Variants in MAF observed in about 807,000 individuals in gnomAD.
MAF encodes the protein MAF bZIP transcription factor, also known as transcription factor Maf.
A neutral mutation model predicts 22.0 loss-of-function variants in MAF; 10 were observed. The ratio of observed to expected loss-of-function variants is 0.45; its 90% CI spans 0.28 to 0.77. MAF has a LOEUF of 0.77. Ranked by LOEUF, MAF falls within the 30% of genes least tolerant of loss-of-function variation. The probability of loss-of-function intolerance (pLI) is 0.12; values close to 1 mark genes in which losing one functional copy is unlikely to be tolerated. For missense variants in MAF, 544 were observed against 548.4 expected, an observed-to-expected ratio of 0.99 and a Z score of 0.08; for synonymous variants, 337 against 255.8, an observed-to-expected ratio of 1.32 and a Z score of -3.03.
chr16:79,313,872 A>G, the MAF span, among the ~76,000 whole-genome samples: 2 of 152,176 alleles, frequency 1.3e-5, no homozygotes, highest in African/African-American at 4.8e-5. Context: ...AGCTTTGGAA[A>G]GTCTCACAAA....
At chr16:79,570,255 T>A in the MAF span, among the ~76,000 whole-genome samples, 2 of 152,142 alleles carry the variant, frequency 1.3e-5, no homozygotes, top group African/African-American at 4.8e-5. Context: ...CTCTGCCTAA[T>A]CTAACCCCTC....
At chr16:79,277,434 G>T in the MAF span, among the ~76,000 whole-genome samples, 1 of 152,188 alleles carries the variant, frequency 6.6e-6, no homozygotes, top group African/African-American at 2.4e-5. Flanking sequence ...ATATGGAATT[G>T]CTGCATCTGT....
At chr16:79,331,208 GT>G in the MAF span, among the ~76,000 whole-genome samples, 1 of 152,188 alleles carries the variant, frequency 6.6e-6, no homozygotes, top group African/African-American at 2.4e-5. Context: ...TGAAAAATGT[GT>G]CTTAATCTTT....
the MAF span, among the ~76,000 whole-genome samples, chr16:79,553,487 G>T: frequency 5.4e-4 from 83 of 152,324 alleles, 1 homozygote; most frequent in African/African-American, 1.8e-3. Flanking sequence ...GAGTCAGTTT[G>T]TGCTCAGAAA....
chr16:79,333,441 A>G, the MAF span, among the ~76,000 whole-genome samples: 1 of 152,166 alleles, frequency 6.6e-6, no homozygotes, highest in African/African-American at 2.4e-5. Flanking sequence ...ACAACAGGCC[A>G]AAACGATACG....
the MAF span, among the ~76,000 whole-genome samples, chr16:79,472,905 C>T: frequency 6.6e-6 from 1 of 151,870 alleles, no homozygotes; most frequent in African/African-American, 2.4e-5. Flanking sequence ...TTTGGGTAGT[C>T]AGTGATTGAA....
At chr16:79,508,238 C>T in the MAF span, among the ~76,000 whole-genome samples, 11 of 152,138 alleles carry the variant, frequency 7.2e-5, no homozygotes, top group African/African-American at 2.7e-4. Flanking sequence ...CCAGGGAGGC[C>T]GCGTGGTGTC....
chr16:79,253,402 A>T, the MAF span, among the ~76,000 whole-genome samples: 1 of 152,186 alleles, frequency 6.6e-6, no homozygotes, highest in Non-Finnish European at 1.5e-5. Flanking sequence ...GGTTCACTTA[A>T]ATAACCTTAT....
the MAF span, among the ~76,000 whole-genome samples, chr16:79,280,805 T>C: frequency 2.6e-5 from 4 of 152,188 alleles, no homozygotes; most frequent in Admixed American, 1.3e-4. Context: ...CTCTCTCCCA[T>C]TGTACTCCTC....
intron 1 of MAF, chr16:79,595,931 GCAAAA>G: frequency 9.4e-7 from 1 of 1,059,456 alleles, no homozygotes; most frequent in African/African-American, 1.6e-5. Flanking sequence ...AAAGAGAAAA[GCAAAA>G]CAAAACAAAC....
the MAF span, among the ~76,000 whole-genome samples, chr16:79,399,656 T>C: frequency 3.3e-5 from 5 of 152,100 alleles, no homozygotes; most frequent in Admixed American, 3.3e-4. Flanking sequence ...AAAGAACCAA[T>C]GATACAGTTT....
At chr16:79,471,807 T>C in the MAF span, among the ~76,000 whole-genome samples, 28 of 152,368 alleles carry the variant, frequency 1.8e-4, no homozygotes, top group African/African-American at 5.5e-4. Context: ...ATCCAATTTC[T>C]TCTTTATTGA....
chr16:79,455,869 T>G, the MAF span, among the ~76,000 whole-genome samples: 1 of 151,962 alleles, frequency 6.6e-6, no homozygotes, highest in Middle Eastern at 3.2e-3. Context: ...AATACAAAAG[T>G]TAGCCGGGTG....
the MAF span, among the ~76,000 whole-genome samples, chr16:79,233,126 C>G: frequency 1.3e-5 from 2 of 151,938 alleles, no homozygotes; most frequent in East Asian, 3.9e-4. Context: ...AGGCGTGAAC[C>G]ACCGCGCCCG....
the MAF span, among the ~76,000 whole-genome samples, chr16:79,448,858 G>A: frequency 6.6e-6 from 1 of 152,160 alleles, no homozygotes; most frequent in Non-Finnish European, 1.5e-5. Context: ...TTTCATGGAA[G>A]ATAATATTTT....
chr16:79,292,084 C>T, the MAF span, among the ~76,000 whole-genome samples: 1 of 151,982 alleles, frequency 6.6e-6, no homozygotes, highest in Non-Finnish European at 1.5e-5. Context: ...AAAAAGAAGA[C>T]ACTGGGACAA....
At chr16:79,364,613 A>G in the MAF span, among the ~76,000 whole-genome samples, 1 of 152,232 alleles carries the variant, frequency 6.6e-6, no homozygotes, top group Non-Finnish European at 1.5e-5. Context: ...TCATGTAGCA[A>G]AAAGTTAGCA....
chr16:79,375,633 G>C, the MAF span, among the ~76,000 whole-genome samples: 1 of 152,006 alleles, frequency 6.6e-6, no homozygotes, highest in African/African-American at 2.4e-5. Flanking sequence ...ATGACAGCTG[G>C]TATTTAATGC....
At chr16:79,471,015 T>A in the MAF span, among the ~76,000 whole-genome samples, 1 of 152,186 alleles carries the variant, frequency 6.6e-6, no homozygotes, top group Non-Finnish European at 1.5e-5. Flanking sequence ...TCATATCACA[T>A]CACCTCCCAC....
Sources: allele counts gnomAD v4.1 joint callset (sites outside exome capture counted in the v4.1 genomes callset), GRCh38; gene constraint gnomAD v4.1.1; transcripts MANE v1.5; gene names NCBI Gene and HGNC (gene_info 2026-07-23, HGNC 2026-07-21).